PID1: variants seen among roughly 807,000 people sequenced by gnomAD.
PID1 encodes phosphotyrosine interaction domain containing 1.
PID1 carries 10 observed loss-of-function variants against 19.1 expected under a neutral mutation model. The ratio of observed to expected loss-of-function variants is 0.52; its 90% CI spans 0.32 to 0.89. The LOEUF (loss-of-function observed/expected upper bound fraction) is 0.89. PID1 is among the 40% of genes least tolerant of loss of function. The pLI is 0.03. For missense variants in PID1, 248 were observed against 285.3 expected (o/e 0.87, Z 0.94); for synonymous variants, 130 against 116.0 (o/e 1.12, Z -0.78).
At chr2:229,107,695 G>A (rs1695206341) in intron 2 of PID1, among the ~76,000 whole-genome samples, 1 of 152,120 alleles carries the variant, frequency 6.6e-6, no homozygotes, top group Admixed American at 6.5e-5. Flanking sequence ...TGAAACAGGA[G>A]AAAATAATTT....
At chr2:229,223,276 C>T (rs1010956239) in intron 1 of PID1, among the ~76,000 whole-genome samples, 5 of 152,142 alleles carry the variant, frequency 3.3e-5, no homozygotes, top group Non-Finnish European at 7.3e-5. Context: ...ATGCAAAATG[C>T]TATCTCATCA....
At chr2:229,133,788 T>A (rs1245563529) in intron 2 of PID1, among the ~76,000 whole-genome samples, 1 of 152,192 alleles carries the variant, frequency 6.6e-6, no homozygotes, top group South Asian at 2.1e-4. Flanking sequence ...TTTCTTTTTT[T>A]AATTATTATT....
At chr2:229,204,710 C>T (rs187872183) in intron 1 of PID1, among the ~76,000 whole-genome samples, 65 of 152,124 alleles carry the variant, frequency 4.3e-4, no homozygotes, top group African/African-American at 1.5e-3. Flanking sequence ...GGTCCTGATG[C>T]GGGGCTCAAC....
chr2:229,219,686 A>G (rs1691923326), intron 1 of PID1, among the ~76,000 whole-genome samples: 1 of 151,878 alleles, frequency 6.6e-6, no homozygotes, highest in South Asian at 2.1e-4. Context: ...ACAGGTGTAC[A>G]CCACCACACC....
At chr2:229,039,076 C>A (rs977331906) in intron 2 of PID1, among the ~76,000 whole-genome samples, 1 of 152,146 alleles carries the variant, frequency 6.6e-6, no homozygotes, top group South Asian at 2.1e-4. Context: ...TAGGTATCTT[C>A]CGTGCCGATT....
At chr2:229,204,357 T>C (rs1375051189) in intron 1 of PID1, among the ~76,000 whole-genome samples, 1 of 152,086 alleles carries the variant, frequency 6.6e-6, no homozygotes, top group Non-Finnish European at 1.5e-5. Flanking sequence ...AAAAAACACA[T>C]CTTAATCCAC....
At chr2:229,262,613 C>A in intron 1 of PID1, 2 of 1,513,100 alleles carry the variant, frequency 1.3e-6, no homozygotes, top group Non-Finnish European at 1.8e-6. Context: ...GGTGTAGTAG[C>A]TACCTAGGGC....
chr2:229,162,913 T>G (rs1349938586), intron 1 of PID1, among the ~76,000 whole-genome samples: 4 of 152,206 alleles, frequency 2.6e-5, no homozygotes, highest in Admixed American at 6.5e-5. Context: ...CTTTTAAGCA[T>G]TTATTCTAAC....
intron 2 of PID1, among the ~76,000 whole-genome samples, chr2:229,051,926 A>G (rs1335814736): frequency 6.6e-6 from 1 of 152,076 alleles, no homozygotes; most frequent in East Asian, 1.9e-4. Context: ...TAGACTAAAT[A>G]TCTCCCTTTA....
At position 229,196,279 on chromosome 2, in the gene PID1, A is replaced by T. The variant is rs138065305; in HGVS notation, c.31-40315T>A. The stretch of plus-strand genomic sequence containing the variant: ...TAAAAAACATACAGTTTCATTGTTA[A>T]CCTTGATAAAAGAAATATAGGTTAG... On this transcript the variant is annotated intron_variant, in intron 1 of 2. Transcript: ENST00000392055. Among the ~76,000 whole-genome samples the T allele has an allele frequency of 1.3e-3, 193 of 152,180 alleles. 2 individuals carry two copies. The highest frequency in any genetic ancestry group is 4.4e-3 in the African/African-American group (184 of 41,568).
In PID1 at chr2:229,033,202, G is replaced by A. The variant is rs147541194; in HGVS notation, c.178-7094C>T. On this transcript the variant is annotated intron_variant, in intron 2 of 2. Transcript: ENST00000392055. ...TGGAGAGTGGGATCAAAAGGGTAACGTCAAGGGTTCCCAAACAAAGATGGA... is the reference window on the plus strand; with the variant it reads ...TGGAGAGTGGGATCAAAAGGGTAACATCAAGGGTTCCCAAACAAAGATGGA... 9.2e-4 allele frequency among the ~76,000 whole-genome samples: 140 copies of A among 152,244 alleles called. No homozygotes were observed. In the East Asian group the frequency reaches 0.019, roughly 21 times the overall value.
At chr2:229,050,661 C>G (rs73099429) in intron 2 of PID1, among the ~76,000 whole-genome samples, 1,902 of 152,226 alleles carry the variant, frequency 0.012, 46 homozygotes, top group African/African-American at 0.044. Flanking sequence ...TAGACTTGCA[C>G]AGGACTCCCA....
chr2:229,254,434 T>C (rs899455079), intron 1 of PID1, among the ~76,000 whole-genome samples: 23 of 152,212 alleles, frequency 1.5e-4, no homozygotes, highest in African/African-American at 5.1e-4. Flanking sequence ...CAATGTCCCA[T>C]ATAAAGAACC....
At chr2:229,108,448 G>C (rs1347013985) in intron 2 of PID1, among the ~76,000 whole-genome samples, 2 of 152,206 alleles carry the variant, frequency 1.3e-5, no homozygotes, top group Non-Finnish European at 2.9e-5. Flanking sequence ...GAGGGACATG[G>C]CTTATCTCAG....
chr2:229,064,423 T>C (rs1460027869), intron 2 of PID1, among the ~76,000 whole-genome samples: 2 of 152,110 alleles, frequency 1.3e-5, no homozygotes, highest in Non-Finnish European at 2.9e-5. Flanking sequence ...AATTAAGTTT[T>C]GGATGAGATG....
At chr2:229,177,679 G>A (rs188945932) in intron 1 of PID1, among the ~76,000 whole-genome samples, 2 of 152,220 alleles carry the variant, frequency 1.3e-5, no homozygotes, top group South Asian at 2.1e-4. Flanking sequence ...AAAAAATGTT[G>A]ATCAGACAGA....
At chr2:229,090,035 T>A (rs904909535) in intron 2 of PID1, among the ~76,000 whole-genome samples, 1 of 152,204 alleles carries the variant, frequency 6.6e-6, no homozygotes, top group Non-Finnish European at 1.5e-5. Context: ...CAGTTCCTGC[T>A]GTTATTTCCT....
chr2:229,187,040 C>G (rs6761650), intron 1 of PID1, among the ~76,000 whole-genome samples: 135,575 of 152,176 alleles, frequency 0.89, 60,543 homozygotes, highest in African/African-American at 0.94. Context: ...TAAAACATAG[C>G]AAGCGTCACC....
intron 2 of PID1, among the ~76,000 whole-genome samples, chr2:229,040,222 C>A (rs1693743115): frequency 6.6e-6 from 1 of 151,448 alleles, no homozygotes; most frequent in African/African-American, 2.4e-5. Context: ...AGTTTGAGAC[C>A]AGCCTGGCCA....
Sources: allele counts gnomAD v4.1 joint callset (sites outside exome capture counted in the v4.1 genomes callset), GRCh38; gene constraint gnomAD v4.1.1; transcripts MANE v1.5; gene names NCBI Gene and HGNC (gene_info 2026-07-23, HGNC 2026-07-21).